The following TCF4 variants were observed in gnomAD, a reference collection of about 807,000 sequenced individuals.
TCF4 encodes transcription factor 4.
In TCF4, 3 loss-of-function variants were observed where a neutral mutation model predicts 82.1. That is an observed-to-expected ratio of 0.04 (90% CI 0.02 to 0.09). The LOEUF is 0.09. Among genes scored for constraint, TCF4 ranks in the 10% least tolerant of loss-of-function variants. The pLI is 1.00. For synonymous variants in TCF4, 276 were observed against 309.6 expected, an observed-to-expected ratio of 0.89 and a Z score of 1.14; for missense variants, 518 against 852.7, an observed-to-expected ratio of 0.61 and a Z score of 4.89.
chr18:55,351,959 C>T (rs774536856), intron 6 of TCF4: 2 of 783,708 alleles, frequency 2.6e-6, no homozygotes, highest in South Asian at 1.2e-4. Flanking sequence ...CTAACTTTAT[C>T]GTTACTTGTA....
chr18:55,257,422 C>A, intron 13 of TCF4, 31 bp from the exon 14 acceptor site: 3 of 1,606,890 alleles, frequency 1.9e-6, no homozygotes, highest in Non-Finnish European at 2.6e-6. Context: ...ACAATCAGAT[C>A]TAGACACATG....
chr18:55,228,058 T>A (rs1019166092), intron 19 of TCF4, 28 bp from the exon 20 acceptor site: 4 of 887,566 alleles, frequency 4.5e-6, no homozygotes, highest in Non-Finnish European at 6.7e-6. Context: ...AGAGAAAAAA[T>A]TCATTAATAT....
intron 6 of TCF4, among the ~76,000 whole-genome samples, chr18:55,371,265 G>T (rs562530538): frequency 6.6e-6 from 1 of 152,182 alleles, no homozygotes; most frequent in Non-Finnish European, 1.5e-5. Context: ...CAGAGGGCAG[G>T]AAAGAGTTTG....
upstream of TCF4, among the ~76,000 whole-genome samples, chr18:55,593,492 TTA>T (rs2097687817): frequency 6.6e-6 from 1 of 152,084 alleles, no homozygotes; most frequent in African/African-American, 2.4e-5. Flanking sequence ...ACAAAAAACA[TTA>T]TATGTTGAAG....
chr18:55,352,449 T>C (rs1334693445), intron 6 of TCF4, among the ~76,000 whole-genome samples: 1 of 152,174 alleles, frequency 6.6e-6, no homozygotes, highest in Non-Finnish European at 1.5e-5. Flanking sequence ...TCGCCTTTAC[T>C]GATTCCAGTT....
intron 8 of TCF4, among the ~76,000 whole-genome samples, chr18:55,292,078 G>A (rs1291555074): frequency 1.3e-5 from 2 of 152,076 alleles, no homozygotes; most frequent in Admixed American, 6.6e-5. Flanking sequence ...GTTAGTTCAC[G>A]ACTTCAGGCA....
At chr18:55,287,056 A>G (rs966178816) in intron 8 of TCF4, among the ~76,000 whole-genome samples, 19 of 152,140 alleles carry the variant, frequency 1.2e-4, no homozygotes, top group African/African-American at 4.6e-4. Context: ...TACTCCTCAA[A>G]TTCTCTTTAT....
chr18:55,405,059 T>C (rs1325232584), intron 5 of TCF4, among the ~76,000 whole-genome samples: 1 of 152,246 alleles, frequency 6.6e-6, no homozygotes, highest in African/African-American at 2.4e-5. Context: ...ACTTCCATTG[T>C]ATGAGGATTT....
At chr18:55,334,870 A>G (rs905629228) in intron 8 of TCF4, among the ~76,000 whole-genome samples, 2 of 152,236 alleles carry the variant, frequency 1.3e-5, no homozygotes, top group Non-Finnish European at 2.9e-5. Flanking sequence ...ATGGCTTAAT[A>G]TCTAAACATA....
intron 10 of TCF4, 132 bp from the exon 11 acceptor site, chr18:55,270,095 T>C: frequency 8.6e-7 from 1 of 1,158,298 alleles, no homozygotes; most frequent in South Asian, 1.3e-5. Context: ...TAGCCAAGAA[T>C]ATATCTTGTT....
At chr18:55,386,510 T>G (rs2092619711) in intron 6 of TCF4, among the ~76,000 whole-genome samples, 1 of 152,240 alleles carries the variant, frequency 6.6e-6, no homozygotes, top group Admixed American at 6.5e-5. Context: ...TACAGTTTTG[T>G]AGTTTTTCTC....
At chr18:55,294,703 C>T (rs574292431) in intron 8 of TCF4, among the ~76,000 whole-genome samples, 4 of 152,184 alleles carry the variant, frequency 2.6e-5, no homozygotes, top group Non-Finnish European at 4.4e-5. Context: ...TCTCAAGAAA[C>T]TCATCGATGT....
intron 5 of TCF4, chr18:55,404,049 T>G: frequency 8.9e-7 from 1 of 1,128,954 alleles, no homozygotes; most frequent in Non-Finnish European, 1.1e-6. Context: ...AACCCCATCA[T>G]GATCAAGATG....
At chr18:55,309,873 C>G (rs892457468) in intron 8 of TCF4, among the ~76,000 whole-genome samples, 2 of 152,112 alleles carry the variant, frequency 1.3e-5, no homozygotes, top group African/African-American at 4.8e-5. Flanking sequence ...AAGGTCAATA[C>G]TCCCTCAAAT....
chr18:55,447,449 G>A (rs1299751570), intron 5 of TCF4, among the ~76,000 whole-genome samples: 1 of 152,152 alleles, frequency 6.6e-6, no homozygotes, highest in East Asian at 1.9e-4. Flanking sequence ...TTATTAGGAT[G>A]TGGGCCAAGT....
intron 3 of TCF4, among the ~76,000 whole-genome samples, chr18:55,567,550 T>C (rs1252437368): frequency 1.3e-5 from 2 of 152,086 alleles, no homozygotes; most frequent in African/African-American, 4.8e-5. Flanking sequence ...CAGTCTCTAC[T>C]GAAAATACAA....
At chr18:55,269,673 G>T in intron 11 of TCF4, 158 bp downstream of exon 11, 1 of 994,986 alleles carries the variant, frequency 1.0e-6, no homozygotes, top group Non-Finnish European at 1.5e-6. Context: ...TCAAGCCAGT[G>T]ATTTTACTTC....
intron 3 of TCF4, among the ~76,000 whole-genome samples, chr18:55,574,597 C>T (rs1436685661): frequency 2.0e-5 from 3 of 152,172 alleles, no homozygotes; most frequent in Non-Finnish European, 2.9e-5. Flanking sequence ...CCTTGGCCTC[C>T]CAAAGTGCCG....
At chr18:55,358,245 C>A (rs138491863) in intron 6 of TCF4, among the ~76,000 whole-genome samples, 50 of 152,352 alleles carry the variant, frequency 3.3e-4, no homozygotes, top group African/African-American at 1.2e-3. Flanking sequence ...TTGATCAAAT[C>A]GAGGTCTTAA....
Sources: gnomAD v4.1 joint callset for allele counts (sites outside exome capture counted in the v4.1 genomes callset) on GRCh38, gnomAD v4.1.1 for gene constraint, MANE v1.5 for transcripts, NCBI Gene and HGNC (gene_info 2026-07-23, HGNC 2026-07-21) for gene names.